PGRMC1: variants seen among roughly 807,000 people sequenced by gnomAD.
PGRMC1 encodes the protein progesterone receptor membrane component 1.
For missense variants in PGRMC1, 145 were observed against 169.0 expected (o/e 0.86, Z 0.79); for synonymous variants, 73 against 77.3 (o/e 0.94, Z 0.29).
chrX:119,240,132 G>C (rs917458569), intron 1 of PGRMC1, among the ~76,000 whole-genome samples, 177 bp from the exon 2 acceptor site: 1 of 112,493 alleles, frequency 8.9e-6, no homozygotes, highest in East Asian at 2.8e-4. Context: ...AATGACAACA[G>C]GTCTTTCTGT....
chrX:119,239,930 A>G (rs1484619381), intron 1 of PGRMC1, among the ~76,000 whole-genome samples: 1 of 112,084 alleles, frequency 8.9e-6, no homozygotes, highest in African/African-American at 3.2e-5. Context: ...AAGAAACCAT[A>G]ACTCTCACTG....
chrX:119,242,951 G>C (rs756573117), intron 2 of PGRMC1, among the ~76,000 whole-genome samples, 200 bp from the exon 3 acceptor site: 7 of 112,588 alleles, frequency 6.2e-5, no homozygotes, highest in Non-Finnish European at 1.3e-4. Flanking sequence ...GTTGCCACCT[G>C]TTTTATATGT....
rs190304180 is a variant in PGRMC1 at position 119,243,979 on chromosome X, A to G, written c.*725A>G. 8.9e-6 allele frequency: 1 copy of G among 111,797 alleles called. No individual in the cohort carries two copies. Among genetic ancestry groups the G allele is most frequent in the Non-Finnish European group, 1.9e-5 (1 of 53,162 alleles). 9.2% of individuals were successfully genotyped at this position (111,797 alleles called of 1,213,427 possible). A position where few individuals can be genotyped will look rare whatever the true frequency, so the allele number is the denominator to read the frequency against. ...CTAAATATATGATGAAGATTGTAGG[A>G]CTGTCTTCCCAAGCCCCATGTTCAT... On this transcript the variant is annotated 3_prime_UTR_variant, in exon 3 of 3. Coordinates refer to ENST00000217971, the MANE Select transcript of PGRMC1 (RefSeq NM_006667.5).
In PGRMC1 at chrX:119,237,171, GA is replaced by G. The variant is rs201851333; in HGVS notation, c.328+481del. On this transcript the variant is annotated intron_variant, in intron 1 of 2. Coordinates refer to ENST00000217971, the MANE Select transcript of PGRMC1 (RefSeq NM_006667.5). ...GAGGGCGAGAGTGAGAAAAGGTCCA[GA>G]CCTAGAGAAGACGGGAAGGCCAATG... Among the ~76,000 whole-genome samples, 1,071 of 111,042 alleles carry G rather than the reference GA, an allele frequency of 9.6e-3. 9 individuals are homozygous for G. Among genetic ancestry groups the G allele is most frequent in the Non-Finnish European group, 0.013 (690 of 52,888 alleles).
At chrX:119,241,583 A>AT (rs1249807806) in intron 2 of PGRMC1, among the ~76,000 whole-genome samples, 14 of 109,409 alleles carry the variant, frequency 1.3e-4, no homozygotes, top group South Asian at 7.8e-4. Flanking sequence ...AAAAAGTGTG[A>AT]TTTTTTTTTT....
chrX:119,236,553 C>T lies in PGRMC1; in HGVS notation c.190C>T (p.Pro64Ser), dbSNP rs1327649337. 24 of 1,207,429 alleles carry T rather than the reference C, an allele frequency of 2.0e-5. No homozygotes were observed. The highest frequency in any genetic ancestry group is 2.6e-5 in the Non-Finnish European group (23 of 893,841). Residue 64 changes from proline to serine, a missense_variant, in exon 1 of 3, where the codon CCT becomes TCT. Pro to Ser is a moderately conservative substitution (Grantham distance 74, BLOSUM62 -1). Coordinates refer to ENST00000217971, the MANE Select transcript of PGRMC1 (RefSeq NM_006667.5). ...CGACAGCGACGACGACGAGCCGCCC[C>T]CTCTGCCCCGCCTCAAGCGGCGCGA... The part of the protein sequence containing the change: ...SGDSDDDEPP[P>S]LPRLKRRDFT...
Position 119,236,690 on chromosome X carries a change from C to A in PGRMC1, c.327C>A (p.Pro109=). ...DVTKGRKFYG[P]EGPYGVFAGR... ...CCAAAGGCCGCAAATTCTACGGGCC[C>A]GGTACGCGGCCGGCGAGGGGGGCTT... The change falls in exon 1 of 3, where the codon CCC becomes CCA. Residue 109 remains proline (P), a splice_region_variant and synonymous_variant. Transcript: ENST00000217971. 1 of 1,180,578 alleles carries A rather than the reference C, an allele frequency of 8.5e-7. No individual in the cohort carries two copies. Among genetic ancestry groups the A allele is most frequent in the Non-Finnish European group, 1.1e-6 (1 of 879,002 alleles).
At chrX:119,239,537 C>T (rs1930770761) in intron 1 of PGRMC1, among the ~76,000 whole-genome samples, 1 of 112,434 alleles carries the variant, frequency 8.9e-6, no homozygotes, top group Admixed American at 9.4e-5. Context: ...ATTCTCTGCT[C>T]TCTTAGACAA....
In PGRMC1 at chrX:119,240,902, T is replaced by C. The variant is rs182721954; in HGVS notation, c.484+438T>C. Among the ~76,000 whole-genome samples, 256 of 112,114 alleles carry C rather than the reference T, an allele frequency of 2.3e-3. 1 individual carries two copies. Among genetic ancestry groups the C allele is most frequent in the Non-Finnish European group, 4.1e-3 (220 of 53,186 alleles). On this transcript the variant is annotated intron_variant, in intron 2 of 2. Transcript: ENST00000217971. ...TGAAACAGCTTCTCTTTGAATCTAA[T>C]TGAACCTAACTATAGGCCTCATCTA... is the stretch of plus-strand genomic sequence containing the variant.
At chrX:119,239,907 T>C (rs112057907) in intron 1 of PGRMC1, among the ~76,000 whole-genome samples, 6 of 112,110 alleles carry the variant, frequency 5.4e-5, no homozygotes, top group African/African-American at 1.6e-4. Context: ...TACACATCAG[T>C]GCTTATTATC....
At chrX:119,236,718 A>G in intron 1 of PGRMC1, 27 bp downstream of exon 1, 1 of 1,119,334 alleles carries the variant, frequency 8.9e-7, no homozygotes, top group Non-Finnish European at 1.2e-6. Context: ...GGGGGCTTGG[A>G]GACAAAAGAA....
intron 2 of PGRMC1, among the ~76,000 whole-genome samples, chrX:119,240,703 A>C (rs1930798703): frequency 8.9e-6 from 1 of 111,735 alleles, no homozygotes; most frequent in Middle Eastern, 4.2e-3. Context: ...TTTTGATTTT[A>C]AAATTTTTGA....
In PGRMC1 at chrX:119,237,504, T is replaced by C. The variant is rs147523843; in HGVS notation, c.328+813T>C. Among the ~76,000 whole-genome samples the C allele has an allele frequency of 7.7e-3, 851 of 110,251 alleles. 10 individuals carry two copies. Among genetic ancestry groups the C allele is most frequent in the African/African-American group, 0.027 (803 of 30,131 alleles). The stretch of plus-strand genomic sequence containing the variant: ...GTGAACAAGGAGGAAGGGGGCTGTT[T>C]GAGGGAGGAATAAAGGCTGAATATG... On this transcript the variant is annotated intron_variant, in intron 1 of 2. Transcript: ENST00000217971.
At chrX:119,236,828 G>A in intron 1 of PGRMC1, 137 bp downstream of exon 1, 1 of 538,357 alleles carries the variant, frequency 1.9e-6, no homozygotes, top group Admixed American at 4.3e-5. Flanking sequence ...AGGCGGGTAG[G>A]CGGGCAGGCG....
intron 2 of PGRMC1, 31 bp downstream of exon 2, chrX:119,240,495 A>G: frequency 4.4e-6 from 5 of 1,131,334 alleles, no homozygotes; most frequent in Non-Finnish European, 6.1e-6. Flanking sequence ...GTCTGGGTCA[A>G]ATTTCTACCA....
At chrX:119,242,677 T>G (rs1423680923) in intron 2 of PGRMC1, among the ~76,000 whole-genome samples, 1 of 111,964 alleles carries the variant, frequency 8.9e-6, no homozygotes, top group African/African-American at 3.2e-5. Context: ...TACTAACTTC[T>G]AAATGTTAAC....
rs1315202053 is a variant in PGRMC1, at chrX:119,236,376, G to C, written c.13G>C (p.Asp5His). Residue 5 changes from aspartate to histidine, a missense_variant, in exon 1 of 3, where the codon GAT (aspartate) becomes CAT (histidine). Coordinates refer to ENST00000217971, the MANE Select transcript of PGRMC1 (RefSeq NM_006667.5). MAAE[D>H]VVATGADPSD... Reference sequence around the variant, plus strand: ...TACTCCAGAGATCATGGCTGCCGAGGATGTGGTGGCGACTGGCGCCGACCC... The same window carrying C: ...TACTCCAGAGATCATGGCTGCCGAGCATGTGGTGGCGACTGGCGCCGACCC... 5 of 1,210,783 alleles carry C rather than the reference G, an allele frequency of 4.1e-6. No individual in the cohort carries two copies. The highest frequency in any genetic ancestry group is 5.6e-6 in the Non-Finnish European group (5 of 894,623).
intron 1 of PGRMC1, among the ~76,000 whole-genome samples, chrX:119,237,286 A>T (rs1016517605): frequency 4.5e-5 from 5 of 110,398 alleles, no homozygotes; most frequent in African/African-American, 1.7e-4. Context: ...CCCGGTGGAT[A>T]GTGATGTGTG....
At chrX:119,239,523 A>G (rs1480818017) in intron 1 of PGRMC1, among the ~76,000 whole-genome samples, 1 of 112,628 alleles carries the variant, frequency 8.9e-6, no homozygotes, top group Non-Finnish European at 1.9e-5. Context: ...GTACCCACAG[A>G]ATGATTCTCT....
Sources: allele counts gnomAD v4.1 joint callset (sites outside exome capture counted in the v4.1 genomes callset), GRCh38; gene constraint gnomAD v4.1.1; transcripts MANE v1.5; gene names NCBI Gene and HGNC (gene_info 2026-07-23, HGNC 2026-07-21).